The following RAB6A variants were observed in gnomAD, a reference collection of about 807,000 sequenced individuals.
RAB6A encodes the protein ras-related protein Rab-6A.
Under a neutral mutation model 32.3 loss-of-function variants are expected in RAB6A, and 8 were observed. The observed-to-expected ratio is 0.25, with a 90% confidence interval of 0.15 to 0.45. The LOEUF (loss-of-function observed/expected upper bound fraction) is 0.45. Among genes scored for constraint, RAB6A ranks in the 20% least tolerant of loss-of-function variants. The pLI, the probability that RAB6A is intolerant of heterozygous loss-of-function variation, is 1.00. For missense variants in RAB6A, 104 were observed against 249.4 expected (o/e 0.42, Z 3.93); for synonymous variants, 73 against 82.1 (o/e 0.89, Z 0.60).
At chr11:73,725,784 T>A (rs1222707850) in intron 2 of RAB6A, among the ~76,000 whole-genome samples, 1 of 152,106 alleles carries the variant, frequency 6.6e-6, no homozygotes, top group Admixed American at 6.5e-5. Flanking sequence ...GCTAGAAAGT[T>A]AAAGAATTTC....
chr11:73,682,060 G>T (rs1945366806), intron 6 of RAB6A, among the ~76,000 whole-genome samples: 1 of 152,134 alleles, frequency 6.6e-6, no homozygotes, highest in Admixed American at 6.5e-5. Context: ...CACCATCAAA[G>T]ATCATGTAGC....
chr11:73,727,543 T>C (rs1946241177), intron 2 of RAB6A, among the ~76,000 whole-genome samples: 1 of 152,126 alleles, frequency 6.6e-6, no homozygotes, highest in African/African-American at 2.4e-5. Context: ...AATTTAATAA[T>C]TGATCCAAAC....
chr11:73,689,654 A>G (rs1945513724), intron 6 of RAB6A, among the ~76,000 whole-genome samples: 1 of 152,188 alleles, frequency 6.6e-6, no homozygotes, highest in African/African-American at 2.4e-5. Context: ...CTTATGACCT[A>G]CAAGTTCCCC....
intron 6 of RAB6A, among the ~76,000 whole-genome samples, chr11:73,701,812 G>C (rs1590841089): frequency 6.6e-6 from 1 of 152,026 alleles, no homozygotes. Context: ...GTTAATTTCT[G>C]TGTTTTTTTG....
intron 1 of RAB6A, among the ~76,000 whole-genome samples, chr11:73,749,133 G>A (rs978302744): frequency 1.2e-4 from 18 of 151,458 alleles, no homozygotes; most frequent in African/African-American, 3.9e-4. Context: ...TTAAAAAAAG[G>A]AAAAAAAAGA....
chr11:73,731,719 TATATATATATATACACACAC>T (rs1946312495), intron 1 of RAB6A, among the ~76,000 whole-genome samples: 2 of 11,032 alleles, frequency 1.8e-4, no homozygotes, highest in East Asian at 2.1e-3. Context: ...TATATATATA[TATATATATATATACACACAC>T]ACACACATAT....
At chr11:73,695,081 A>G (rs1415956220) in intron 6 of RAB6A, among the ~76,000 whole-genome samples, 2 of 152,138 alleles carry the variant, frequency 1.3e-5, no homozygotes, top group Non-Finnish European at 2.9e-5. Flanking sequence ...TTTAATCTAT[A>G]TATTTAACAA....
chr11:73,710,127 T>A (rs1377523340), intron 5 of RAB6A, among the ~76,000 whole-genome samples: 2 of 33,442 alleles, frequency 6.0e-5, no homozygotes, highest in Admixed American at 4.4e-4. Flanking sequence ...CCCGGCTAAT[T>A]TTTTGTGTTT....
chr11:73,738,551 T>C (rs138649770), intron 1 of RAB6A, among the ~76,000 whole-genome samples: 28 of 151,958 alleles, frequency 1.8e-4, no homozygotes, highest in African/African-American at 6.3e-4. Context: ...ACTTGGGAGG[T>C]TGAGGCAGGA....
At chr11:73,750,302 G>A (rs577659489) in intron 1 of RAB6A, among the ~76,000 whole-genome samples, 159 of 151,374 alleles carry the variant, frequency 1.1e-3, no homozygotes, top group African/African-American at 3.6e-3. Context: ...TTAGCATAAC[G>A]TCCTCAAAGT....
At chr11:73,710,148 A>G (rs1341916675) in intron 5 of RAB6A, among the ~76,000 whole-genome samples, 1 of 133,824 alleles carries the variant, frequency 7.5e-6, no homozygotes, top group Non-Finnish European at 1.6e-5. Flanking sequence ...TTTTTTTTTT[A>G]GCAGAGACGG....
At chr11:73,687,097 A>G (rs1945470289) in intron 6 of RAB6A, among the ~76,000 whole-genome samples, 1 of 152,166 alleles carries the variant, frequency 6.6e-6, no homozygotes, top group Non-Finnish European at 1.5e-5. Context: ...CATCTTGAGG[A>G]CATTATGCAA....
intron 6 of RAB6A, among the ~76,000 whole-genome samples, chr11:73,692,854 G>A (rs1945595936): frequency 6.6e-6 from 1 of 150,550 alleles, no homozygotes. Flanking sequence ...CCAGCTACGC[G>A]GGAGGCTGAG....
intron 1 of RAB6A, among the ~76,000 whole-genome samples, chr11:73,743,304 CAAA>C (rs56400918): frequency 4.8e-5 from 5 of 103,346 alleles, no homozygotes; most frequent in Non-Finnish European, 8.0e-5. Context: ...AACTCTGTCT[CAAA>C]AAAAAAAAAA....
At chr11:73,709,351 C>T (rs953021723) in intron 5 of RAB6A, among the ~76,000 whole-genome samples, 11 of 151,118 alleles carry the variant, frequency 7.3e-5, no homozygotes, top group South Asian at 2.1e-4. Flanking sequence ...GAGGGAGTGA[C>T]GGAGGGAGGG....
At chr11:73,722,058 T>C (rs776642729) in intron 2 of RAB6A, among the ~76,000 whole-genome samples, 1 of 147,674 alleles carries the variant, frequency 6.8e-6, no homozygotes, top group Non-Finnish European at 1.5e-5. Flanking sequence ...TCTGCCATGA[T>C]TGTAAGTTTC....
At chr11:73,728,496 G>C (rs926759741) in intron 2 of RAB6A, among the ~76,000 whole-genome samples, 1 of 151,614 alleles carries the variant, frequency 6.6e-6, no homozygotes, top group Non-Finnish European at 1.5e-5. Flanking sequence ...ACATAGGTCA[G>C]GTGTGGTGGC....
intron 1 of RAB6A, among the ~76,000 whole-genome samples, chr11:73,748,834 T>G (rs1285467405): frequency 1.3e-5 from 2 of 152,112 alleles, no homozygotes; most frequent in Non-Finnish European, 2.9e-5. Context: ...TTTAAAAAAT[T>G]ATGGATTAGG....
At chr11:73,739,284 A>AATATATATATATATAT (rs1555066941) in intron 1 of RAB6A, among the ~76,000 whole-genome samples, 1 of 6,760 alleles carries the variant, frequency 1.5e-4, no homozygotes, top group Non-Finnish European at 3.4e-4. Flanking sequence ...AAAAAAAAAA[A>AATATATATATATATAT]ATATATATAT....
Sources: gnomAD v4.1 joint callset for allele counts (sites outside exome capture counted in the v4.1 genomes callset) on GRCh38, gnomAD v4.1.1 for gene constraint, MANE v1.5 for transcripts, NCBI Gene and HGNC (gene_info 2026-07-23, HGNC 2026-07-21) for gene names.